Variants in CADM2 observed in about 807,000 individuals in gnomAD.
CADM2 encodes the protein immunoglobulin superfamily member 4D.
CADM2 carries 12 observed loss-of-function variants against 49.8 expected under a neutral mutation model. The observed-to-expected ratio is 0.24, with a 90% CI of 0.15 to 0.39. The LOEUF is 0.39. CADM2 is among the 10% of genes least tolerant of loss of function. The probability of loss-of-function intolerance (pLI) is 1.00; values close to 1 mark genes in which losing one functional copy is unlikely to be tolerated. For missense variants in CADM2, 378 were observed against 492.3 expected, an observed-to-expected ratio of 0.77 and a Z score of 2.20; for synonymous variants, 214 against 175.4, an observed-to-expected ratio of 1.22 and a Z score of -1.74.
chr3:85,594,614 C>T (rs2063193548), intron 1 of CADM2, among the ~76,000 whole-genome samples: 1 of 151,780 alleles, frequency 6.6e-6, no homozygotes, highest in African/African-American at 2.4e-5. Flanking sequence ...TGTATTGAAG[C>T]ATTCATTTAT....
intron 3 of CADM2, among the ~76,000 whole-genome samples, chr3:85,860,303 A>G (rs1379503725): frequency 6.6e-6 from 1 of 152,192 alleles, no homozygotes; most frequent in African/African-American, 2.4e-5. Context: ...CCTGTATTAC[A>G]TGGAGGCTAC....
Position 85,912,554 on chromosome 3 carries a change from A to G in CADM2, c.700+11A>G, listed in dbSNP as rs772143506. ...TGCTAGAAATACACTGTAAGTAAAC[A>G]CTACTTCCCCCTCCTTTATCTCAGC... On this transcript the variant is annotated intron_variant, in intron 6 of 9. Coordinates refer to ENST00000383699, the MANE Select transcript of CADM2 (RefSeq NM_001167675.2). 52 of 1,606,282 alleles carry G rather than the reference A, an allele frequency of 3.2e-5. No individual in the cohort carries two copies. The highest frequency in any genetic ancestry group is 3.0e-5 in the Non-Finnish European group (35 of 1,175,344).
At chr3:85,061,127 C>CT (rs2107443340) in intron 1 of CADM2, among the ~76,000 whole-genome samples, 1 of 152,132 alleles carries the variant, frequency 6.6e-6, no homozygotes, top group Admixed American at 6.5e-5. Context: ...TCATACTTTC[C>CT]TTGTGACTTT....
intron 1 of CADM2, among the ~76,000 whole-genome samples, chr3:85,709,442 G>A (rs1380216432): frequency 6.6e-6 from 1 of 152,052 alleles, no homozygotes; most frequent in Non-Finnish European, 1.5e-5. Flanking sequence ...TTTCCTTATA[G>A]TTTATTTCTC....
At chr3:85,901,058 G>A (rs185423820) in intron 5 of CADM2, among the ~76,000 whole-genome samples, 8 of 152,164 alleles carry the variant, frequency 5.3e-5, no homozygotes, top group South Asian at 2.1e-4. Flanking sequence ...TTAGCTGGGC[G>A]TGGTGGTGCA....
At chr3:85,039,032 G>C (rs984599568) in intron 1 of CADM2, among the ~76,000 whole-genome samples, 6 of 149,994 alleles carry the variant, frequency 4.0e-5, no homozygotes, top group East Asian at 3.9e-4. Flanking sequence ...TATAAACACA[G>C]AGAGAGAGAG....
chr3:85,147,725 A>C (rs1194195120), intron 1 of CADM2, among the ~76,000 whole-genome samples: 1 of 152,188 alleles, frequency 6.6e-6, no homozygotes, highest in African/African-American at 2.4e-5. Context: ...AAATTTGTTC[A>C]GGATGTTAAA....
chr3:85,058,374 C>T (rs967254124), intron 1 of CADM2, among the ~76,000 whole-genome samples: 4 of 152,058 alleles, frequency 2.6e-5, no homozygotes, highest in Non-Finnish European at 5.9e-5. Context: ...TGCACATAGG[C>T]AACAAATTTT....
At chr3:85,293,817 C>A (rs2043872950) in intron 1 of CADM2, among the ~76,000 whole-genome samples, 2 of 148,344 alleles carry the variant, frequency 1.3e-5, no homozygotes, top group South Asian at 4.3e-4. Flanking sequence ...CTATGACAAA[C>A]CCACAGCCAA....
chr3:85,436,155 T>G (rs1264607069), intron 1 of CADM2, among the ~76,000 whole-genome samples: 1 of 152,142 alleles, frequency 6.6e-6, no homozygotes, highest in Non-Finnish European at 1.5e-5. Context: ...GTAAGTTGGA[T>G]TCCTAAGTAT....
chr3:85,107,574 CTCTTTCTTTCTTT>C (rs769002790), intron 1 of CADM2, among the ~76,000 whole-genome samples: 45 of 123,466 alleles, frequency 3.6e-4, no homozygotes, highest in East Asian at 1.7e-3. Context: ...CTCTCTTTCT[CTCTTTCTTTCTTT>C]TCTTTCTTTC....
intron 1 of CADM2, among the ~76,000 whole-genome samples, chr3:85,240,044 A>C (rs566320545): frequency 1.3e-5 from 2 of 151,452 alleles, no homozygotes; most frequent in Non-Finnish European, 3.0e-5. Flanking sequence ...TTTTGTAAGA[A>C]ATTTTTCATT....
intron 1 of CADM2, among the ~76,000 whole-genome samples, chr3:85,511,010 A>T (rs1373685105): frequency 6.6e-6 from 1 of 152,070 alleles, no homozygotes; most frequent in Non-Finnish European, 1.5e-5. Flanking sequence ...TTATATTGGA[A>T]TTTTAAATGT....
intron 1 of CADM2, among the ~76,000 whole-genome samples, chr3:85,368,070 T>C (rs2107306628): frequency 6.6e-6 from 1 of 152,240 alleles, no homozygotes; most frequent in East Asian, 1.9e-4. Flanking sequence ...ATTTTGGTAC[T>C]TTTTATGGCC....
At chr3:85,538,957 A>G (rs987057667) in intron 1 of CADM2, among the ~76,000 whole-genome samples, 2 of 152,052 alleles carry the variant, frequency 1.3e-5, no homozygotes, top group Admixed American at 1.3e-4. Flanking sequence ...TATGCTTTTT[A>G]AGACTGAATA....
At chr3:85,561,624 C>T (rs2062097098) in intron 1 of CADM2, among the ~76,000 whole-genome samples, 1 of 152,076 alleles carries the variant, frequency 6.6e-6, no homozygotes, top group South Asian at 2.1e-4. Flanking sequence ...CATATGAGTT[C>T]AAAACAGAAG....
intron 1 of CADM2, among the ~76,000 whole-genome samples, chr3:85,352,656 G>T (rs1165969456): frequency 6.6e-6 from 1 of 152,032 alleles, no homozygotes; most frequent in African/African-American, 2.4e-5. Flanking sequence ...GTGGTATAAG[G>T]GTGAAATATC....
intron 1 of CADM2, among the ~76,000 whole-genome samples, chr3:85,208,057 T>A (rs2041693679): frequency 6.6e-6 from 1 of 152,198 alleles, no homozygotes; most frequent in Non-Finnish European, 1.5e-5. Flanking sequence ...TTACATATTG[T>A]CTACAACACT....
Position 84,962,912 on chromosome 3 carries a change from A to T in CADM2, c.61+3244A>T, listed in dbSNP as rs79075609. On this transcript the variant is annotated intron_variant, in intron 1 of 9. Coordinates refer to ENST00000383699, the MANE Select transcript of CADM2 (RefSeq NM_001167675.2). ...ACCTTTTTTCTGGGAAGCAAAATCA[A>T]TTTTCTGGCTTGTTAATATGTGGAG... 2.0e-3 allele frequency among the ~76,000 whole-genome samples: 312 copies of T among 152,252 alleles called. 6 individuals are homozygous for T. The highest frequency in any genetic ancestry group is 0.017 in the Admixed American group (259 of 15,298).
Sources: allele counts gnomAD v4.1 joint callset (sites outside exome capture counted in the v4.1 genomes callset), GRCh38; gene constraint gnomAD v4.1.1; transcripts MANE v1.5; gene names NCBI Gene and HGNC (gene_info 2026-07-23, HGNC 2026-07-21).